Variants in RPS6KC1 observed in about 807,000 individuals in gnomAD.
The protein encoded by RPS6KC1 is ribosomal protein S6 kinase C1.
Under a neutral mutation model 103.8 loss-of-function variants are expected in RPS6KC1, and 54 were observed. That is an observed-to-expected ratio of 0.52 (90% CI 0.42 to 0.65). The LOEUF is 0.65. RPS6KC1 is among the 30% of genes least tolerant of loss of function. The pLI is 0.00. For missense variants in RPS6KC1, 1,151 were observed against 1,253.8 expected (o/e 0.92, Z 1.24); for synonymous variants, 439 against 438.7 (o/e 1.00, Z -0.01).
intron 8 of RPS6KC1, among the ~76,000 whole-genome samples, chr1:213,198,360 G>T (rs1446829216): frequency 1.3e-5 from 2 of 152,160 alleles, no homozygotes; most frequent in African/African-American, 4.8e-5. Context: ...GTTACTTGAT[G>T]CTTTTGCCTC....
At chr1:213,310,042 T>C in the RPS6KC1 span, among the ~76,000 whole-genome samples, 1 of 152,174 alleles carries the variant, frequency 6.6e-6, no homozygotes, top group African/African-American at 2.4e-5. Flanking sequence ...GTGGCCCCTC[T>C]TTCAATGTAT....
At chr1:213,403,703 C>T in the RPS6KC1 span, among the ~76,000 whole-genome samples, 1 of 152,122 alleles carries the variant, frequency 6.6e-6, no homozygotes, top group African/African-American at 2.4e-5. Context: ...TTGGTTCCAC[C>T]AAATATGTCA....
intron 8 of RPS6KC1, among the ~76,000 whole-genome samples, chr1:213,206,581 C>T (rs1374182485): frequency 1.3e-5 from 2 of 152,218 alleles, no homozygotes; most frequent in Non-Finnish European, 2.9e-5. Context: ...TCATTTTACA[C>T]AGTTCAAAGT....
At chr1:213,366,560 A>G in the RPS6KC1 span, among the ~76,000 whole-genome samples, 3 of 152,246 alleles carry the variant, frequency 2.0e-5, no homozygotes, top group Non-Finnish European at 4.4e-5. Context: ...TCGTTGTAGC[A>G]CAAAAGTAAC....
the RPS6KC1 span, among the ~76,000 whole-genome samples, chr1:213,367,602 TA>T: frequency 6.6e-6 from 1 of 152,208 alleles, no homozygotes; most frequent in African/African-American, 2.4e-5. Flanking sequence ...ATAAGGCGCT[TA>T]CCCCAGAATG....
At chr1:213,428,479 TC>T in the RPS6KC1 span, among the ~76,000 whole-genome samples, 851 of 47,716 alleles carry the variant, frequency 0.018, 18 homozygotes, top group African/African-American at 0.065. Context: ...CCTCCCTCCC[TC>T]CCTTCCTTCC....
the RPS6KC1 span, among the ~76,000 whole-genome samples, chr1:213,715,520 G>C: frequency 6.6e-6 from 1 of 152,222 alleles, no homozygotes; most frequent in African/African-American, 2.4e-5. Flanking sequence ...TTCCAAGTAA[G>C]TGAGAAGCAA....
the RPS6KC1 span, chr1:213,820,980 C>T: frequency 6.6e-6 from 1 of 152,120 alleles, no homozygotes; most frequent in Non-Finnish European, 1.5e-5. Context: ...CCTCCTACTA[C>T]AACATATCCA....
chr1:213,223,339 G>A (rs1294585682), intron 8 of RPS6KC1, among the ~76,000 whole-genome samples: 1 of 152,040 alleles, frequency 6.6e-6, no homozygotes, highest in Non-Finnish European at 1.5e-5. Context: ...TACCCAATAC[G>A]TAGTATTTTA....
At chr1:213,337,827 C>T in the RPS6KC1 span, among the ~76,000 whole-genome samples, 3 of 152,088 alleles carry the variant, frequency 2.0e-5, no homozygotes, top group Admixed American at 1.3e-4. Flanking sequence ...CCTCGTGCAG[C>T]GTATCATGCT....
the RPS6KC1 span, among the ~76,000 whole-genome samples, chr1:213,331,716 A>T: frequency 6.6e-6 from 1 of 152,114 alleles, no homozygotes; most frequent in Non-Finnish European, 1.5e-5. Context: ...GTTTTGAAGG[A>T]GGCCATGACT....
At chr1:213,728,964 T>TTTTTTTTTTTTTC in the RPS6KC1 span, among the ~76,000 whole-genome samples, 2 of 143,244 alleles carry the variant, frequency 1.4e-5, no homozygotes, top group East Asian at 2.1e-4. Flanking sequence ...TTTTTTTTTT[T>TTTTTTTTTTTTTC]TACCAGTGGA....
chr1:213,182,695 G>T lies in RPS6KC1; in HGVS notation c.1044+6203G>T, dbSNP rs561649432. Among the ~76,000 whole-genome samples, 10 of 150,182 alleles carry T rather than the reference G, an allele frequency of 6.7e-5. No individual in the cohort carries two copies. In the South Asian group the frequency reaches 2.1e-3, roughly 31 times the overall value. On this transcript the variant is annotated intron_variant, in intron 8 of 14. Transcript: ENST00000366960. ...TTTAAAGATATGACCCAACTTTATGGTGTTTATAAGAAACTCACTTCAAAC... is the reference window on the plus strand; with the variant it reads ...TTTAAAGATATGACCCAACTTTATGTTGTTTATAAGAAACTCACTTCAAAC...
At chr1:213,267,874 T>C (rs998698784) in intron 14 of RPS6KC1, among the ~76,000 whole-genome samples, 3 of 151,392 alleles carry the variant, frequency 2.0e-5, no homozygotes, top group African/African-American at 7.3e-5. Context: ...TAATAGAAAT[T>C]ATTGAATCAG....
At chr1:213,243,439 T>C (rs563502544) in intron 12 of RPS6KC1, among the ~76,000 whole-genome samples, 63 of 152,264 alleles carry the variant, frequency 4.1e-4, no homozygotes, top group African/African-American at 1.5e-3. Context: ...GTTTTAAAAA[T>C]GCAATATGAT....
the RPS6KC1 span, among the ~76,000 whole-genome samples, chr1:213,340,374 C>T: frequency 1.3e-5 from 2 of 152,068 alleles, no homozygotes; most frequent in Non-Finnish European, 2.9e-5. Context: ...TTTTGTAAAG[C>T]GTGAATTACA....
the RPS6KC1 span, among the ~76,000 whole-genome samples, chr1:213,515,618 T>C: frequency 3.9e-5 from 6 of 152,196 alleles, no homozygotes; most frequent in Non-Finnish European, 7.3e-5. Context: ...TACCATGCTG[T>C]TTTGGTTACT....
chr1:213,618,412 A>G, the RPS6KC1 span, among the ~76,000 whole-genome samples: 603 of 152,302 alleles, frequency 4.0e-3, 7 homozygotes, highest in African/African-American at 0.014. Context: ...GGGGTCAGAC[A>G]CCTGGGTTGA....
At chr1:213,096,317 A>G (rs1255329194) in intron 3 of RPS6KC1, among the ~76,000 whole-genome samples, 1 of 152,182 alleles carries the variant, frequency 6.6e-6, no homozygotes, top group East Asian at 1.9e-4. Context: ...TATTTCTACC[A>G]CATCTGCAGT....
Sources: allele counts gnomAD v4.1 joint callset (sites outside exome capture counted in the v4.1 genomes callset), GRCh38; gene constraint gnomAD v4.1.1; transcripts MANE v1.5; gene names NCBI Gene and HGNC (gene_info 2026-07-23, HGNC 2026-07-21).